Variants in SLC24A2 observed in about 807,000 individuals in gnomAD.
SLC24A2 encodes the protein solute carrier family 24 member 2.
A neutral mutation model predicts 62.0 loss-of-function variants in SLC24A2; 36 were observed. The observed-to-expected ratio is 0.58, with a 90% CI of 0.44 to 0.77. SLC24A2 has a LOEUF of 0.77. SLC24A2 is among the 30% of genes least tolerant of loss of function. SLC24A2 has a pLI of 0.00. For missense variants in SLC24A2, 846 were observed against 817.9 expected, an observed-to-expected ratio of 1.03 and a Z score of -0.42; for synonymous variants, 358 against 294.0, an observed-to-expected ratio of 1.22 and a Z score of -2.23.
chr9:20,106,389 C>G, the SLC24A2 span, among the ~76,000 whole-genome samples: 1 of 152,056 alleles, frequency 6.6e-6, no homozygotes, highest in Non-Finnish European at 1.5e-5. Context: ...GGCAGAGACA[C>G]AACCAAAAAA....
chr9:19,578,024 G>A (rs1387943833), intron 5 of SLC24A2, among the ~76,000 whole-genome samples: 1 of 151,660 alleles, frequency 6.6e-6, no homozygotes, highest in Non-Finnish European at 1.5e-5. Flanking sequence ...ACTGATACAT[G>A]GGAGCTAAGC....
At chr9:20,033,505 G>A in the SLC24A2 span, among the ~76,000 whole-genome samples, 1 of 152,214 alleles carries the variant, frequency 6.6e-6, no homozygotes, top group Admixed American at 6.5e-5. Flanking sequence ...GTGGAGGGTA[G>A]AGAGTTGATA....
At chr9:20,268,879 A>T in the SLC24A2 span, among the ~76,000 whole-genome samples, 1 of 152,136 alleles carries the variant, frequency 6.6e-6, no homozygotes, top group African/African-American at 2.4e-5. Context: ...ACGAAAGAGA[A>T]CTCTTAAGGG....
At chr9:20,035,806 G>A in the SLC24A2 span, among the ~76,000 whole-genome samples, 1 of 152,094 alleles carries the variant, frequency 6.6e-6, no homozygotes, top group African/African-American at 2.4e-5. Flanking sequence ...ACCTTTGAAA[G>A]GTTTAAAAGT....
chr9:19,822,267 C>T, the SLC24A2 span, among the ~76,000 whole-genome samples: 2 of 152,144 alleles, frequency 1.3e-5, no homozygotes, highest in South Asian at 4.1e-4. Flanking sequence ...GTTATCCATG[C>T]CAATCAGGCT....
chr9:19,641,457 C>A (rs1038925112), intron 2 of SLC24A2, among the ~76,000 whole-genome samples: 18 of 152,114 alleles, frequency 1.2e-4, no homozygotes, highest in African/African-American at 4.3e-4. Flanking sequence ...TTAGTTCAAT[C>A]ACAAATTTAG....
the SLC24A2 span, among the ~76,000 whole-genome samples, chr9:19,803,141 A>G: frequency 2.6e-5 from 4 of 152,196 alleles, no homozygotes; most frequent in African/African-American, 7.2e-5. Context: ...TTGTTATAGC[A>G]GCTTGAATGG....
At chr9:19,812,906 A>AACGAAGAG in the SLC24A2 span, among the ~76,000 whole-genome samples, 1 of 152,130 alleles carries the variant, frequency 6.6e-6, no homozygotes, top group Non-Finnish European at 1.5e-5. Context: ...CAGGGCTTTC[A>AACGAAGAG]ACGAAGAGCC....
the SLC24A2 span, among the ~76,000 whole-genome samples, chr9:20,080,864 G>A: frequency 2.7e-3 from 408 of 152,112 alleles, 1 homozygote; most frequent in African/African-American, 9.1e-3. Context: ...GCAGCCAAAA[G>A]ACACATGAAA....
chr9:20,055,948 T>C, the SLC24A2 span, among the ~76,000 whole-genome samples: 7 of 152,218 alleles, frequency 4.6e-5, no homozygotes, highest in East Asian at 9.6e-4. Context: ...GTTCATGTTC[T>C]TACCGCTCCA....
the SLC24A2 span, among the ~76,000 whole-genome samples, chr9:19,898,678 C>A: frequency 6.9e-6 from 1 of 144,256 alleles, no homozygotes; most frequent in African/African-American, 2.6e-5. Flanking sequence ...GGAGGTGGAG[C>A]TTGCCGTGAG....
At chr9:20,128,442 A>T in the SLC24A2 span, among the ~76,000 whole-genome samples, 1 of 152,264 alleles carries the variant, frequency 6.6e-6, no homozygotes. Context: ...TAATAATGCT[A>T]ATAGCATCTA....
chr9:20,148,568 C>T, the SLC24A2 span, among the ~76,000 whole-genome samples: 11 of 152,090 alleles, frequency 7.2e-5, no homozygotes, highest in East Asian at 5.8e-4. Context: ...AATTTAAGTG[C>T]GCAAATAAAT....
At chr9:19,936,127 A>G in the SLC24A2 span, among the ~76,000 whole-genome samples, 1 of 152,054 alleles carries the variant, frequency 6.6e-6, no homozygotes, top group Non-Finnish European at 1.5e-5. Context: ...TAAACCTTAG[A>G]GCCCACCGTG....
chr9:19,932,389 T>C, the SLC24A2 span, among the ~76,000 whole-genome samples: 1 of 152,184 alleles, frequency 6.6e-6, no homozygotes, highest in Non-Finnish European at 1.5e-5. Flanking sequence ...TTCAATATCA[T>C]AGTGAAATTT....
the SLC24A2 span, among the ~76,000 whole-genome samples, chr9:19,913,090 C>A: frequency 2.6e-5 from 4 of 152,016 alleles, no homozygotes; most frequent in Non-Finnish European, 5.9e-5. Context: ...AGCCCAGTTT[C>A]TATCACTTCT....
At chr9:19,623,698 A>G (rs939311790) in intron 2 of SLC24A2, among the ~76,000 whole-genome samples, 6 of 152,208 alleles carry the variant, frequency 3.9e-5, no homozygotes, top group African/African-American at 1.4e-4. Context: ...GTTGATGTTA[A>G]ATATTTTGTG....
chr9:19,814,846 G>T, the SLC24A2 span, among the ~76,000 whole-genome samples: 2 of 152,164 alleles, frequency 1.3e-5, no homozygotes, highest in African/African-American at 2.4e-5. Flanking sequence ...TCTTGAAAAT[G>T]ATGTCTCAGT....
the SLC24A2 span, among the ~76,000 whole-genome samples, chr9:19,852,132 T>A: frequency 6.6e-6 from 1 of 152,246 alleles, no homozygotes; most frequent in Non-Finnish European, 1.5e-5. Context: ...TGTCTTCTTT[T>A]GAGAAGTGTC....
Sources: gnomAD v4.1 joint callset for allele counts (sites outside exome capture counted in the v4.1 genomes callset) on GRCh38, gnomAD v4.1.1 for gene constraint, MANE v1.5 for transcripts, NCBI Gene and HGNC (gene_info 2026-07-23, HGNC 2026-07-21) for gene names.